Variants in ANKRD55 observed in about 807,000 individuals in gnomAD.
The protein encoded by ANKRD55 is ankyrin repeat domain 55.
ANKRD55 carries 41 observed loss-of-function variants against 60.6 expected under a neutral mutation model. The observed-to-expected ratio is 0.68, with a 90% CI of 0.53 to 0.88. The LOEUF (loss-of-function observed/expected upper bound fraction) is 0.88. Ranked by LOEUF, ANKRD55 falls within the 40% of genes least tolerant of loss-of-function variation. The pLI, the probability that ANKRD55 is intolerant of heterozygous loss-of-function variation, is 0.00. For synonymous variants in ANKRD55, 264 were observed against 290.3 expected (o/e 0.91, Z 0.92); for missense variants, 732 against 767.6 (o/e 0.95, Z 0.55).
chr5:56,143,495 T>C (rs1757821793), intron 7 of ANKRD55, among the ~76,000 whole-genome samples: 1 of 152,082 alleles, frequency 6.6e-6, no homozygotes, highest in Admixed American at 6.6e-5. Context: ...TTTGAAGGCA[T>C]TTTCCCAGCA....
chr5:56,233,266 G>T lies in ANKRD55; in HGVS notation c.-59C>A. 1 of 257,438 alleles carries T rather than the reference G, an allele frequency of 3.9e-6. No homozygotes were observed. The allele number at this position is 257,438 out of a possible 1,614,324, so 15.9% of individuals were successfully genotyped here. On this transcript the variant is annotated 5_prime_UTR_variant, in exon 1 of 12. The change creates a new upstream start codon in the 5' untranslated region. Coordinates refer to ENST00000341048, the MANE Select transcript of ANKRD55 (RefSeq NM_024669.3). ...CTTGGATCTGGGCTGGAAAAACACA[G>T]CAGATCACGGAGCTTCAGCAGCTGG...
At chr5:56,189,472 T>C (rs1055470234) in intron 2 of ANKRD55, among the ~76,000 whole-genome samples, 26 of 152,204 alleles carry the variant, frequency 1.7e-4, no homozygotes, top group Non-Finnish European at 2.1e-4. Flanking sequence ...CATTAAACTG[T>C]AACTTCCCAT....
intron 2 of ANKRD55, among the ~76,000 whole-genome samples, chr5:56,192,378 G>A (rs1759117416): frequency 6.6e-6 from 1 of 152,258 alleles, no homozygotes; most frequent in Admixed American, 6.5e-5. Flanking sequence ...CTCTGCCGCT[G>A]CTGCCGGAGA....
intron 7 of ANKRD55, among the ~76,000 whole-genome samples, chr5:56,135,533 C>T (rs1432821196): frequency 6.6e-6 from 1 of 151,820 alleles, no homozygotes; most frequent in Non-Finnish European, 1.5e-5. Context: ...CCACACCCTG[C>T]TAGTTTTTGT....
intron 10 of ANKRD55, chr5:56,108,104 C>T (rs1756548767): frequency 6.6e-6 from 1 of 152,120 alleles, no homozygotes; most frequent in African/African-American, 2.4e-5. Flanking sequence ...AACTCCTGAG[C>T]TCAAGCAATC....
chr5:56,166,091 T>TTTCC (rs1491493194), intron 5 of ANKRD55, among the ~76,000 whole-genome samples: 5 of 18,854 alleles, frequency 2.7e-4, no homozygotes, highest in Non-Finnish European at 5.8e-4. Context: ...TTTCTTTTTC[T>TTTCC]TTCTTTCTTT....
At chr5:56,144,455 C>G (rs1217895301) in intron 6 of ANKRD55, among the ~76,000 whole-genome samples, 1 of 151,710 alleles carries the variant, frequency 6.6e-6, no homozygotes, top group African/African-American at 2.4e-5. Context: ...TCCTCTATCT[C>G]TAATGCCTAG....
chr5:56,156,496 G>A (rs1314735093), intron 6 of ANKRD55, among the ~76,000 whole-genome samples: 1 of 152,188 alleles, frequency 6.6e-6, no homozygotes, highest in Non-Finnish European at 1.5e-5. Flanking sequence ...TTTGCTGGGG[G>A]GTTGCTAGTT....
intron 2 of ANKRD55, among the ~76,000 whole-genome samples, chr5:56,195,995 G>C (rs1394336626): frequency 2.6e-5 from 4 of 152,120 alleles, no homozygotes; most frequent in African/African-American, 9.7e-5. Context: ...TTGACTAGAA[G>C]TATAAATGGT....
chr5:56,192,561 C>T, intron 2 of ANKRD55: 1 of 407,042 alleles, frequency 2.5e-6, no homozygotes, highest in South Asian at 3.2e-5. Flanking sequence ...GCCTCTAAAT[C>T]CTGGCTGAAT....
intron 6 of ANKRD55, among the ~76,000 whole-genome samples, chr5:56,147,082 G>A (rs991714240): frequency 5.3e-5 from 8 of 152,116 alleles, no homozygotes; most frequent in African/African-American, 1.4e-4. Flanking sequence ...GGGGTGGGAG[G>A]AGTGCTATCA....
At chr5:56,126,803 G>T in intron 8 of ANKRD55, 119 bp downstream of exon 8, 1 of 1,105,904 alleles carries the variant, frequency 9.0e-7, no homozygotes, top group Non-Finnish European at 1.3e-6. Flanking sequence ...AAGCCCATGT[G>T]TATTACTGGC....
intron 3 of ANKRD55, among the ~76,000 whole-genome samples, chr5:56,181,885 G>A (rs994080878): frequency 4.6e-5 from 7 of 152,150 alleles, no homozygotes; most frequent in East Asian, 1.9e-4. Context: ...GTGAGCCACC[G>A]TGTCCGGCCT....
rs1756708212 is a variant in ANKRD55, at chr5:56,111,675, T to C, written c.1073A>G (p.Gln358Arg). ...QIFCKNKKEE[Q>R]RAHQKDPSRD... Reference sequence around the variant, plus strand: ...GCTGGGATCCTTCTGATGGGCTCTCTGCTCTTCTTTCTTGTTTTTGCAGAA... The same window carrying C: ...GCTGGGATCCTTCTGATGGGCTCTCCGCTCTTCTTTCTTGTTTTTGCAGAA... The change falls in exon 10 of 12, where the codon CAG (glutamine) becomes CGG (arginine). Residue 358 changes from glutamine (Q) to arginine (R), a missense_variant. Physicochemically the swap from Gln to Arg is conservative, Grantham distance 43. Around this residue, in one of 3 missense-constraint regions of ANKRD55, gnomAD observed 597 missense variants for 607.5 expected, o/e 0.98. Coordinates refer to ENST00000341048, the MANE Select transcript of ANKRD55 (RefSeq NM_024669.3). 6.6e-7 allele frequency: 1 copy of C among 1,524,326 alleles called. No individual in the cohort carries two copies. Among genetic ancestry groups the C allele is most frequent in the African/African-American group, 1.4e-5 (1 of 71,742 alleles). The allele number at this position is 1,524,326 out of a possible 1,614,324, so 94.4% of individuals were successfully genotyped here.
chr5:56,100,005 C>T lies in ANKRD55; in HGVS notation c.*178G>A, dbSNP rs1005110928. 1 of 789,500 alleles carries T rather than the reference C, an allele frequency of 1.3e-6. No individual in the cohort carries two copies. Among genetic ancestry groups the T allele is most frequent in the African/African-American group, 1.7e-5 (1 of 57,878 alleles). 48.9% of individuals were successfully genotyped at this position (789,500 alleles called of 1,614,324 possible). A position where few individuals can be genotyped will look rare whatever the true frequency, so the allele number is the denominator to read the frequency against. ...GACTTAATATGCACACCCAAATATT[C>T]TAAGTGCTTATTTAGGGAGTATCTT... On this transcript the variant is annotated 3_prime_UTR_variant, in exon 12 of 12. Coordinates refer to ENST00000341048, the MANE Select transcript of ANKRD55 (RefSeq NM_024669.3).
chr5:56,155,889 T>C (rs116592002), intron 6 of ANKRD55, among the ~76,000 whole-genome samples: 71 of 151,106 alleles, frequency 4.7e-4, no homozygotes, highest in African/African-American at 1.7e-3. Context: ...TATATCTATA[T>C]ACAGATACAT....
At chr5:56,228,231 T>C (rs1344614251) in intron 2 of ANKRD55, among the ~76,000 whole-genome samples, 1 of 151,960 alleles carries the variant, frequency 6.6e-6, no homozygotes, top group Admixed American at 6.6e-5. Flanking sequence ...ATCTGGGTGG[T>C]CCCTAAATGC....
intron 8 of ANKRD55, among the ~76,000 whole-genome samples, chr5:56,120,575 C>G (rs73126473): frequency 0.039 from 5,925 of 152,242 alleles, 386 homozygotes; most frequent in African/African-American, 0.13. Flanking sequence ...ATGGCTCCCC[C>G]AGCACTGGAA....
At chr5:56,128,755 G>C (rs1757338763) in intron 7 of ANKRD55, among the ~76,000 whole-genome samples, 1 of 152,096 alleles carries the variant, frequency 6.6e-6, no homozygotes, top group Non-Finnish European at 1.5e-5. Context: ...TATTGTACAG[G>C]AGACAATGAA....
Sources: allele counts gnomAD v4.1 joint callset (sites outside exome capture counted in the v4.1 genomes callset), GRCh38; gene constraint gnomAD v4.1.1; regional missense constraint gnomAD v4.1.1; transcripts MANE v1.5; gene names NCBI Gene and HGNC (gene_info 2026-07-23, HGNC 2026-07-21).